ARPP21: variants seen among roughly 807,000 people sequenced by gnomAD.
ARPP21 encodes the protein cAMP regulated phosphoprotein 21.
A neutral mutation model predicts 113.2 loss-of-function variants in ARPP21; 69 were observed. The observed-to-expected ratio is 0.61, with a 90% CI of 0.50 to 0.74. The LOEUF is 0.74. Ranked by LOEUF, ARPP21 falls within the 30% of genes least tolerant of loss-of-function variation. ARPP21 has a pLI of 0.00. For missense variants in ARPP21, 1,070 were observed against 1,037.4 expected (o/e 1.03, Z -0.43); for synonymous variants, 368 against 375.5 (o/e 0.98, Z 0.23).
chr3:35,732,401 A>C (rs997975580), intron 15 of ARPP21, among the ~76,000 whole-genome samples: 5 of 152,186 alleles, frequency 3.3e-5, no homozygotes, highest in African/African-American at 4.8e-5. Context: ...TTTCTAACTT[A>C]GGACCTCTTG....
In ARPP21 at chr3:35,769,536, A is replaced by G. The variant is rs2096118557; in HGVS notation, c.2138-22846A>G. 2.6e-5 allele frequency among the ~76,000 whole-genome samples: 4 copies of G among 152,202 alleles called. 1 individual carries two copies. The South Asian group carries it at 8.3e-4, about 32-fold the overall frequency. ...AGCCCCGCTTTGCTTTAAGTCTGTCAAAACACTGCTTCATTTAAAAATTAT... is the reference window on the plus strand; with the variant it reads ...AGCCCCGCTTTGCTTTAAGTCTGTCGAAACACTGCTTCATTTAAAAATTAT... On this transcript the variant is annotated intron_variant, in intron 19 of 20. Coordinates refer to ENST00000684406, the MANE Select transcript of ARPP21 (RefSeq NM_001385562.1).
chr3:35,707,456 T>C, intron 10 of ARPP21: 1 of 473,986 alleles, frequency 2.1e-6, no homozygotes, highest in Admixed American at 2.3e-5. Flanking sequence ...TACAGCTTTG[T>C]CCTTCAGTTG....
intron 5 of ARPP21, chr3:35,684,169 C>T (rs532139265): frequency 2.2e-6 from 3 of 1,381,016 alleles, no homozygotes; most frequent in African/African-American, 2.9e-5. Flanking sequence ...CTCTCTCCTT[C>T]CTTGTTGGAG....
At chr3:35,739,861 C>G (rs1050766108) in intron 18 of ARPP21, among the ~76,000 whole-genome samples, 1 of 152,204 alleles carries the variant, frequency 6.6e-6, no homozygotes, top group Non-Finnish European at 1.5e-5. Context: ...AAAGCATTCC[C>G]TCCCATGTGA....
chr3:35,685,448 T>C (rs2080269191), intron 5 of ARPP21: 2 of 985,072 alleles, frequency 2.0e-6, no homozygotes, highest in African/African-American at 1.7e-5. Flanking sequence ...GCTACCTTTT[T>C]AGAGAATAAA....
At chr3:35,664,125 C>A (rs965538109) in intron 1 of ARPP21, among the ~76,000 whole-genome samples, 4 of 152,120 alleles carry the variant, frequency 2.6e-5, no homozygotes, top group Non-Finnish European at 5.9e-5. Flanking sequence ...CTTAATAGAA[C>A]CCTGTGACTT....
intron 10 of ARPP21, chr3:35,707,580 T>C (rs2089637764): frequency 2.2e-6 from 1 of 455,410 alleles, no homozygotes; most frequent in Admixed American, 2.4e-5. Context: ...CTAAAATAAG[T>C]CTTCAGAGAA....
intron 19 of ARPP21, among the ~76,000 whole-genome samples, chr3:35,788,157 G>A (rs1010970374): frequency 3.9e-5 from 6 of 152,138 alleles, no homozygotes; most frequent in African/African-American, 1.2e-4. Context: ...GTGGCAAAAT[G>A]CAAAAATTGT....
At chr3:35,730,213 G>T (rs968916672) in intron 15 of ARPP21, among the ~76,000 whole-genome samples, 3 of 152,114 alleles carry the variant, frequency 2.0e-5, no homozygotes, top group African/African-American at 7.2e-5. Flanking sequence ...TTTTTCTAGT[G>T]GGTCAGTTGA....
Position 35,781,003 on chromosome 3 carries a change from G to T in ARPP21, c.2138-11379G>T, listed in dbSNP as rs150873525. Among the ~76,000 whole-genome samples the T allele has an allele frequency of 6.6e-5, 10 of 152,188 alleles. No individual in the cohort carries two copies. The East Asian group carries it at 1.9e-3, about 29-fold the overall frequency. ...AATGGGCCTACTATAGCACCCCTCAGTGAGTAGCCTGGTGTCCTGCTGAGG... is the reference window on the plus strand; with the variant it reads ...AATGGGCCTACTATAGCACCCCTCATTGAGTAGCCTGGTGTCCTGCTGAGG... On this transcript the variant is annotated intron_variant, in intron 19 of 20. Coordinates refer to ENST00000684406, the MANE Select transcript of ARPP21 (RefSeq NM_001385562.1).
chr3:35,744,082 C>A, intron 19 of ARPP21, 117 bp downstream of exon 19: 1 of 1,073,976 alleles, frequency 9.3e-7, no homozygotes, highest in Non-Finnish European at 1.4e-6. Context: ...TTTCTCTACC[C>A]AGAGAAGATA....
Position 35,717,365 on chromosome 3 carries a change from T to A in ARPP21, c.995+8T>A, listed in dbSNP as rs746430940. ...GAAAAGACAGCTCTTTCGGTTGGTA[T>A]GGTTTACTTTCTTAAACTGTGTTTT... On this transcript the variant is annotated splice_region_variant and intron_variant, in intron 13 of 20. Transcript: ENST00000684406. 5 of 1,574,222 alleles carry A rather than the reference T, an allele frequency of 3.2e-6. No homozygotes were observed. The highest frequency in any genetic ancestry group is 4.4e-6 in the Non-Finnish European group (5 of 1,144,210).
intron 13 of ARPP21, among the ~76,000 whole-genome samples, chr3:35,719,590 G>A (rs1259321778): frequency 6.6e-6 from 1 of 152,262 alleles, no homozygotes; most frequent in African/African-American, 2.4e-5. Flanking sequence ...AAAAGGCACA[G>A]TCACACTGGC....
chr3:35,743,060 T>G (rs1244339108), intron 18 of ARPP21, among the ~76,000 whole-genome samples: 1 of 152,208 alleles, frequency 6.6e-6, no homozygotes, highest in Non-Finnish European at 1.5e-5. Flanking sequence ...TATCATATTT[T>G]CCCTTTTAGA....
chr3:35,768,135 TGTG>T (rs2096058400), intron 19 of ARPP21, among the ~76,000 whole-genome samples: 1 of 123,366 alleles, frequency 8.1e-6, no homozygotes, highest in African/African-American at 3.5e-5. Flanking sequence ...TGTGTGTGTG[TGTG>T]TTTGCATGAT....
chr3:35,691,403 T>C (rs1575871294), intron 9 of ARPP21, among the ~76,000 whole-genome samples: 1 of 151,810 alleles, frequency 6.6e-6, no homozygotes, highest in East Asian at 2.0e-4. Context: ...TTCTGCTTTT[T>C]TAGACATCTA....
At chr3:35,646,722 C>G (rs1356762800) in intron 1 of ARPP21, among the ~76,000 whole-genome samples, 4 of 151,916 alleles carry the variant, frequency 2.6e-5, no homozygotes, top group Admixed American at 2.6e-4. Context: ...TCATATTGGA[C>G]TACTTCATAT....
intron 9 of ARPP21, among the ~76,000 whole-genome samples, chr3:35,704,951 C>T (rs1222685818): frequency 1.3e-5 from 2 of 152,042 alleles, no homozygotes; most frequent in Admixed American, 6.6e-5. Flanking sequence ...ATAACAAATT[C>T]ACTTTATGCT....
chr3:35,792,952 C>T (rs993944652), intron 20 of ARPP21, among the ~76,000 whole-genome samples: 1 of 152,186 alleles, frequency 6.6e-6, no homozygotes, highest in African/African-American at 2.4e-5. Context: ...ATCTCAGATT[C>T]ATTTAAAGGG....
Sources: gnomAD v4.1 joint callset for allele counts (sites outside exome capture counted in the v4.1 genomes callset) on GRCh38, gnomAD v4.1.1 for gene constraint, MANE v1.5 for transcripts, NCBI Gene and HGNC (gene_info 2026-07-23, HGNC 2026-07-21) for gene names.